The following PDE7B variants were observed in gnomAD, a reference collection of about 807,000 sequenced individuals.
PDE7B encodes the protein phosphodiesterase 7B.
PDE7B carries 29 observed loss-of-function variants against 56.2 expected under a neutral mutation model. The ratio of observed to expected loss-of-function variants is 0.52; its 90% CI spans 0.38 to 0.70. PDE7B has a LOEUF of 0.70. PDE7B is among the 30% of genes least tolerant of loss of function. The pLI is 0.00. For missense variants in PDE7B, 490 were observed against 565.0 expected, an observed-to-expected ratio of 0.87 and a Z score of 1.35; for synonymous variants, 197 against 196.9, an observed-to-expected ratio of 1.00 and a Z score of 0.00.
In PDE7B at chr6:136,149,301, A is replaced by G. The variant is rs199584112; in HGVS notation, c.382+151A>G. ...ACAGCTACTGAAGAAGGACCGGGGT[A>G]AGGGAAAATCAACTCAGATGAAAAA... is the stretch of plus-strand genomic sequence containing the variant. On this transcript the variant is annotated intron_variant, in intron 5 of 12. Coordinates refer to ENST00000308191, the MANE Select transcript of PDE7B (RefSeq NM_018945.4). 45 of 625,882 alleles carry G rather than the reference A, an allele frequency of 7.2e-5. No homozygotes were observed. The East Asian group carries it at 1.0e-3, about 14-fold the overall frequency. The allele number at this position is 625,882 out of a possible 1,614,324, so 38.8% of individuals were successfully genotyped here. A position where few individuals can be genotyped will look rare whatever the true frequency, so the allele number is the denominator to read the frequency against.
At chr6:136,055,205 AG>A (rs1232370356) in intron 2 of PDE7B, among the ~76,000 whole-genome samples, 6 of 152,240 alleles carry the variant, frequency 3.9e-5, no homozygotes, top group South Asian at 2.1e-4. Context: ...TCCATTTTAA[AG>A]GTTATAATGG....
At chr6:136,052,271 G>A (rs1776643063) in intron 2 of PDE7B, among the ~76,000 whole-genome samples, 1 of 152,160 alleles carries the variant, frequency 6.6e-6, no homozygotes, top group Non-Finnish European at 1.5e-5. Context: ...CTAGCAGACA[G>A]GGCAAAGGGG....
At chr6:136,023,624 G>A (rs758075686) in intron 2 of PDE7B, among the ~76,000 whole-genome samples, 9 of 152,118 alleles carry the variant, frequency 5.9e-5, no homozygotes, top group African/African-American at 1.2e-4. Context: ...AAGTGAGGAA[G>A]AAAGCTAGCT....
At chr6:135,852,539 C>T (rs1774959383) in intron 1 of PDE7B, among the ~76,000 whole-genome samples, 1 of 151,994 alleles carries the variant, frequency 6.6e-6, no homozygotes, top group African/African-American at 2.4e-5. Context: ...GATAGTGAGA[C>T]TGAAGGTAGA....
intron 1 of PDE7B, among the ~76,000 whole-genome samples, chr6:135,895,425 C>G (rs1238738885): frequency 6.6e-6 from 1 of 152,068 alleles, no homozygotes; most frequent in African/African-American, 2.4e-5. Context: ...TGCTTGTAGA[C>G]TGGAAAGAGA....
chr6:135,982,808 T>G (rs781095531), intron 2 of PDE7B, among the ~76,000 whole-genome samples: 12 of 152,124 alleles, frequency 7.9e-5, no homozygotes, highest in Non-Finnish European at 1.5e-4. Flanking sequence ...TTTTATGCCA[T>G]ACTTCTGGCT....
chr6:136,068,147 G>A (rs768090200), intron 2 of PDE7B, among the ~76,000 whole-genome samples: 1 of 152,314 alleles, frequency 6.6e-6, no homozygotes, highest in South Asian at 2.1e-4. Flanking sequence ...CACAGGCCCA[G>A]GAGGGCCTGA....
intron 1 of PDE7B, among the ~76,000 whole-genome samples, chr6:135,937,366 C>G (rs1053884193): frequency 6.6e-6 from 1 of 152,182 alleles, no homozygotes; most frequent in African/African-American, 2.4e-5. Flanking sequence ...CTGGCCCCTG[C>G]CAACTTCCCC....
intron 1 of PDE7B, among the ~76,000 whole-genome samples, chr6:135,921,922 A>C (rs1248584514): frequency 6.6e-6 from 1 of 152,118 alleles, no homozygotes; most frequent in East Asian, 1.9e-4. Flanking sequence ...ATGAAAAATA[A>C]AACTTACTGG....
At chr6:136,000,635 C>A (rs540987199) in intron 2 of PDE7B, among the ~76,000 whole-genome samples, 1 of 152,140 alleles carries the variant, frequency 6.6e-6, no homozygotes, top group Non-Finnish European at 1.5e-5. Context: ...TAGTACCATG[C>A]TGTTTTGGTT....
At chr6:135,900,198 T>C (rs1775975211) in intron 1 of PDE7B, among the ~76,000 whole-genome samples, 1 of 152,086 alleles carries the variant, frequency 6.6e-6, no homozygotes, top group Admixed American at 6.6e-5. Flanking sequence ...AAATTTAATA[T>C]CTCGGGGGCA....
At chr6:136,054,586 G>A (rs968328273) in intron 2 of PDE7B, among the ~76,000 whole-genome samples, 14 of 152,154 alleles carry the variant, frequency 9.2e-5, no homozygotes, top group Admixed American at 7.2e-4. Flanking sequence ...TTCCAATTCT[G>A]TGAAGAAAGT....
intron 8 of PDE7B, among the ~76,000 whole-genome samples, chr6:136,158,282 T>A (rs1778644796): frequency 6.6e-6 from 1 of 151,978 alleles, no homozygotes; most frequent in Non-Finnish European, 1.5e-5. Flanking sequence ...TAAGTTACTC[T>A]TATCAAATTT....
At chr6:136,165,708 G>A (rs1778781907) in intron 8 of PDE7B, 1 of 152,114 alleles carries the variant, frequency 6.6e-6, no homozygotes, top group South Asian at 2.1e-4. Context: ...AAAAGCAAAA[G>A]AAACCTCTCT....
intron 1 of PDE7B, among the ~76,000 whole-genome samples, chr6:135,939,225 G>T (rs1174530725): frequency 6.6e-6 from 1 of 152,192 alleles, no homozygotes; most frequent in Non-Finnish European, 1.5e-5. Flanking sequence ...CCACAGATTT[G>T]CTGTTGATTG....
chr6:136,028,354 A>G (rs1195625696), intron 2 of PDE7B, among the ~76,000 whole-genome samples: 2 of 152,250 alleles, frequency 1.3e-5, no homozygotes, highest in Admixed American at 1.3e-4. Context: ...ATGAAAAAAC[A>G]TGGAATTTTA....
chr6:135,986,901 C>T (rs1455232222), intron 2 of PDE7B, among the ~76,000 whole-genome samples: 2 of 152,146 alleles, frequency 1.3e-5, no homozygotes, highest in African/African-American at 4.8e-5. Context: ...TAGGTTTAGA[C>T]TTGTGGAGCA....
chr6:136,112,692 G>T (rs1176081585), intron 3 of PDE7B: 1 of 151,606 alleles, frequency 6.6e-6, no homozygotes, highest in Non-Finnish European at 1.5e-5. Flanking sequence ...AAATTTTTAT[G>T]AACAGAAGAA....
At chr6:135,943,621 A>G (rs958087913) in intron 1 of PDE7B, among the ~76,000 whole-genome samples, 1 of 152,238 alleles carries the variant, frequency 6.6e-6, no homozygotes, top group Non-Finnish European at 1.5e-5. Flanking sequence ...CTCTGCTAAA[A>G]GAGTACAATG....
Sources: allele counts gnomAD v4.1 joint callset (sites outside exome capture counted in the v4.1 genomes callset), GRCh38; gene constraint gnomAD v4.1.1; transcripts MANE v1.5; gene names NCBI Gene and HGNC (gene_info 2026-07-23, HGNC 2026-07-21).